SPATC1: variants seen among roughly 807,000 people sequenced by gnomAD.
The protein encoded by SPATC1 is speriolin.
A neutral mutation model predicts 36.5 loss-of-function variants in SPATC1; 35 were observed. The observed-to-expected ratio is 0.96, with a 90% CI of 0.73 to 1.27. The LOEUF is 1.27. Among genes scored for constraint, SPATC1 ranks in the 50% most tolerant of loss-of-function variants. The probability of loss-of-function intolerance (pLI) is 0.00; values close to 1 mark genes in which losing one functional copy is unlikely to be tolerated. For missense variants in SPATC1, 779 were observed against 796.0 expected, an observed-to-expected ratio of 0.98 and a Z score of 0.26; for synonymous variants, 361 against 353.6, an observed-to-expected ratio of 1.02 and a Z score of -0.24.
upstream of SPATC1, among the ~76,000 whole-genome samples, chr8:144,011,884 C>A (rs1419258067): frequency 6.6e-6 from 1 of 152,080 alleles, no homozygotes; most frequent in Non-Finnish European, 1.5e-5. This position sits in a 1 kb window ranked among gnomAD's most constrained non-coding sequence, Gnocchi z 4.5. Flanking sequence ...AAATCATGGG[C>A]GAGTGTCCAG....
chr8:144,026,204 G>T (rs1236983536), intron 1 of SPATC1, among the ~76,000 whole-genome samples: 3 of 152,126 alleles, frequency 2.0e-5, no homozygotes, highest in African/African-American at 7.2e-5. Flanking sequence ...GGTCTTTTGT[G>T]ACTGACTTCT....
rs1312869953 is a variant in SPATC1, at chr8:144,023,413, A to C, written c.211+10687A>C. Reference sequence around the variant, plus strand: ...TTCCCTGAGGACCCTCTTCTCTGAAAACCCTCCCCCCTCAGGACCCTCTTT... The same window carrying C: ...TTCCCTGAGGACCCTCTTCTCTGAACACCCTCCCCCCTCAGGACCCTCTTT... On this transcript the variant is annotated intron_variant, in intron 1 of 4. Coordinates refer to ENST00000377470, the MANE Select transcript of SPATC1 (RefSeq NM_198572.3). 1.8e-3 allele frequency among the ~76,000 whole-genome samples: 77 copies of C among 43,538 alleles called. 2 individuals are homozygous for C. Among genetic ancestry groups the C allele is most frequent in the African/African-American group, 5.5e-3 (73 of 13,208 alleles). The allele number at this position is 43,538 out of a possible 152,430, so 28.6% of individuals were successfully genotyped here.
At chr8:144,042,649 G>T (rs1835147583) in intron 4 of SPATC1, among the ~76,000 whole-genome samples, 1 of 152,006 alleles carries the variant, frequency 6.6e-6, no homozygotes. Flanking sequence ...AAAGACACAG[G>T]CGTCCATGTA....
At chr8:144,039,607 T>C (rs962808937) in intron 1 of SPATC1, among the ~76,000 whole-genome samples, 1 of 152,092 alleles carries the variant, frequency 6.6e-6, no homozygotes, top group Admixed American at 6.5e-5. Flanking sequence ...CTGGGGGCAG[T>C]GGGCAAGTGG....
chr8:144,033,290 T>C (rs903394574), intron 1 of SPATC1, among the ~76,000 whole-genome samples: 57 of 151,886 alleles, frequency 3.8e-4, no homozygotes, highest in Middle Eastern at 3.4e-3. Context: ...CCCAGCTATT[T>C]GGGAGGCTGA....
At position 144,045,680 on chromosome 8, in the gene SPATC1, G is replaced by A. The variant is rs1430334241; in HGVS notation, c.1447-947G>A. 6.6e-6 allele frequency among the ~76,000 whole-genome samples: 1 copy of A among 152,230 alleles called. No individual in the cohort carries two copies. Among genetic ancestry groups the A allele is most frequent in the Non-Finnish European group, 1.5e-5 (1 of 68,034 alleles). ...TTTAGACCCGTGGCTCTGTGGGCCTGTGCAGAGAGCGGGCAGGGCCAAGCC... is the reference window on the plus strand; with the variant it reads ...TTTAGACCCGTGGCTCTGTGGGCCTATGCAGAGAGCGGGCAGGGCCAAGCC... On this transcript the variant is annotated intron_variant, in intron 4 of 4. Transcript: ENST00000377470. This position sits in a 1 kb window ranked among gnomAD's most constrained non-coding sequence, Gnocchi z 5.2.
chr8:144,035,288 T>C (rs1466004147), intron 1 of SPATC1, among the ~76,000 whole-genome samples: 2 of 152,118 alleles, frequency 1.3e-5, no homozygotes, highest in South Asian at 2.1e-4. Flanking sequence ...GAGGGCAGCA[T>C]GGGAAGAAAG....
chr8:144,036,725 C>T (rs1834905734), intron 1 of SPATC1, among the ~76,000 whole-genome samples: 2 of 152,082 alleles, frequency 1.3e-5, no homozygotes, highest in African/African-American at 2.4e-5. Context: ...TCAGAGACTT[C>T]CTGGGGAACA....
chr8:144,020,290 C>T (rs936777237), intron 1 of SPATC1, among the ~76,000 whole-genome samples: 29 of 151,066 alleles, frequency 1.9e-4, no homozygotes, highest in African/African-American at 6.8e-4. Context: ...GCCTCAGGAC[C>T]CTCTTCCCTT....
chr8:144,037,103 G>T (rs1162196881), intron 1 of SPATC1, among the ~76,000 whole-genome samples: 1 of 133,608 alleles, frequency 7.5e-6, no homozygotes, highest in African/African-American at 2.7e-5. Flanking sequence ...TGGGCGGGGG[G>T]CTGACCCCCG....
chr8:144,013,159 G>A (rs1004438192), intron 1 of SPATC1, among the ~76,000 whole-genome samples: 3 of 152,122 alleles, frequency 2.0e-5, no homozygotes, highest in Admixed American at 6.5e-5. Flanking sequence ...TGCCTTCCTA[G>A]GTGCTGCATC....
intron 1 of SPATC1, among the ~76,000 whole-genome samples, chr8:144,035,851 T>G (rs1834888340): frequency 6.6e-6 from 1 of 152,210 alleles, no homozygotes; most frequent in Non-Finnish European, 1.5e-5. Flanking sequence ...CCAGTCATCC[T>G]GGAGATGTTG....
intron 1 of SPATC1, among the ~76,000 whole-genome samples, chr8:144,034,502 T>C (rs1369788725): frequency 6.6e-6 from 1 of 151,804 alleles, no homozygotes; most frequent in African/African-American, 2.4e-5. Flanking sequence ...CATGAAAATA[T>C]AAAGAAGAAA....
At chr8:144,020,915 C>A (rs1280379802) in intron 1 of SPATC1, among the ~76,000 whole-genome samples, 7 of 142,542 alleles carry the variant, frequency 4.9e-5, no homozygotes, top group African/African-American at 1.6e-4. Flanking sequence ...CCCTCAGGAC[C>A]TTCTCCCCTC....
At chr8:144,026,803 C>A (rs1444051236) in intron 1 of SPATC1, among the ~76,000 whole-genome samples, 1 of 141,666 alleles carries the variant, frequency 7.1e-6, no homozygotes, top group Non-Finnish European at 1.5e-5. Flanking sequence ...TAATTTCTTT[C>A]TTTTTCTTTT....
At chr8:144,039,118 G>A (rs1554755262) in intron 1 of SPATC1, among the ~76,000 whole-genome samples, 1 of 152,142 alleles carries the variant, frequency 6.6e-6, no homozygotes, top group Non-Finnish European at 1.5e-5. Flanking sequence ...AACAACAAAA[G>A]TGGAAGTTCT....
intron 1 of SPATC1, among the ~76,000 whole-genome samples, chr8:144,025,856 C>A (rs1834667081): frequency 6.6e-6 from 1 of 152,156 alleles, no homozygotes; most frequent in Non-Finnish European, 1.5e-5. Flanking sequence ...GGCCCCTGAA[C>A]CATAAATGTG....
intron 1 of SPATC1, among the ~76,000 whole-genome samples, chr8:144,026,276 TTTTTG>T: frequency 6.6e-6 from 1 of 152,312 alleles, no homozygotes; most frequent in South Asian, 2.1e-4. Context: ...TAGTTAGGGT[TTTTTG>T]TTTTGTTTCG....
chr8:144,021,153 A>C lies in SPATC1; in HGVS notation c.211+8427A>C, dbSNP rs1230811749. ...CTCTCCCTCAGGACCCTCTTCCTTC[A>C]GTATCCTCTCCCCTCAAGACCTTTC... On this transcript the variant is annotated intron_variant, in intron 1 of 4. Coordinates refer to ENST00000377470, the MANE Select transcript of SPATC1 (RefSeq NM_198572.3). Among the ~76,000 whole-genome samples, 3 of 120,588 alleles carry C rather than the reference A, an allele frequency of 2.5e-5. No individual in the cohort carries two copies. In the East Asian group the frequency reaches 8.7e-4, roughly 35 times the overall value. The allele number at this position is 120,588 out of a possible 152,430, so 79.1% of individuals were successfully genotyped here. A position where few individuals can be genotyped will look rare whatever the true frequency, so the allele number is the denominator to read the frequency against.
Sources: gnomAD v4.1 joint callset for allele counts (sites outside exome capture counted in the v4.1 genomes callset) on GRCh38, gnomAD v4.1.1 for gene constraint, Gnocchi (gnomAD v3.1) non-coding constraint, MANE v1.5 for transcripts, NCBI Gene and HGNC (gene_info 2026-07-23, HGNC 2026-07-21) for gene names.